Variants in C11orf65 observed in about 807,000 individuals in gnomAD.
C11orf65 encodes chromosome 11 open reading frame 65, also known as protein MFI.
C11orf65 carries 38 observed loss-of-function variants against 35.3 expected under a neutral mutation model. That is an observed-to-expected ratio of 1.08 (90% confidence interval 0.83 to 1.41). The LOEUF (loss-of-function observed/expected upper bound fraction) is 1.41. C11orf65 is among the 40% of genes most tolerant of loss of function. The pLI is 0.00. For missense variants in C11orf65, 370 were observed against 367.1 expected, an observed-to-expected ratio of 1.01 and a Z score of -0.06; for synonymous variants, 105 against 114.4, an observed-to-expected ratio of 0.92 and a Z score of 0.53.
intron 2 of C11orf65, chr11:108,355,051 T>G (rs1456704459): frequency 4.9e-6 from 3 of 615,438 alleles, no homozygotes; most frequent in Non-Finnish European, 8.7e-6. Context: ...AAATACTGGT[T>G]TAGAAATGCC....
At chr11:108,459,101 G>A (rs565146282) in intron 2 of C11orf65, among the ~76,000 whole-genome samples, 8 of 152,242 alleles carry the variant, frequency 5.3e-5, no homozygotes, top group Admixed American at 6.5e-5. Flanking sequence ...AATGGGTATC[G>A]TCAAGTAGCC....
chr11:108,356,070 G>A (rs766049087), intron 2 of C11orf65: 3 of 152,096 alleles, frequency 2.0e-5, no homozygotes, highest in Admixed American at 6.6e-5. Flanking sequence ...TTCAAATTCT[G>A]TTCATACATG....
At chr11:108,466,621 C>A (rs1191399098) in intron 1 of C11orf65, among the ~76,000 whole-genome samples, 2 of 152,166 alleles carry the variant, frequency 1.3e-5, no homozygotes. Flanking sequence ...TACTATCAAA[C>A]AACTGCTCAG....
At chr11:108,441,663 C>A (rs1030534890) in intron 2 of C11orf65, among the ~76,000 whole-genome samples, 4 of 152,184 alleles carry the variant, frequency 2.6e-5, no homozygotes, top group Admixed American at 6.5e-5. Context: ...TGCCATTCTG[C>A]AATATTTGCT....
chr11:108,428,689 C>T lies in C11orf65; in HGVS notation c.174+3057G>A, dbSNP rs543223591. On this transcript the variant is annotated intron_variant, in intron 3 of 8. Transcript: ENST00000393084. Reference sequence around the variant, plus strand: ...CGTTGGGGGGCTAGAGGAGGGATAGCGTTAGGAGAAATACCTAATGTAGAT... The same window carrying T: ...CGTTGGGGGGCTAGAGGAGGGATAGTGTTAGGAGAAATACCTAATGTAGAT... Among the ~76,000 whole-genome samples, 318 of 152,156 alleles carry T rather than the reference C, an allele frequency of 2.1e-3. 1 individual carries two copies. Among genetic ancestry groups the T allele is most frequent in the African/African-American group, 7.1e-3 (295 of 41,498 alleles).
intron 2 of C11orf65, among the ~76,000 whole-genome samples, chr11:108,353,205 A>G (rs2089422595): frequency 6.6e-6 from 1 of 151,878 alleles, no homozygotes; most frequent in South Asian, 2.1e-4. Context: ...CTGGAGTGCA[A>G]TGGCACGATC....
At position 108,325,366 on chromosome 11, in the gene C11orf65, A is replaced by G; in HGVS notation, c.641-16295T>C. On this transcript the variant is annotated intron_variant, in intron 6 of 6. Transcript: ENST00000525729. ...TATATTAAGTGGCAGAAACACTCCC[A>G]GCTTCTCAAGGACAGTGATTTTAGT... is the stretch of plus-strand genomic sequence containing the variant. 6.2e-7 allele frequency: 1 copy of G among 1,612,932 alleles called. No individual in the cohort carries two copies. The highest frequency in any genetic ancestry group is 1.1e-5 in the South Asian group (1 of 91,050).
chr11:108,333,847 C>T (rs1382965508), intron 3 of C11orf65: 1 of 1,487,894 alleles, frequency 6.7e-7, no homozygotes, highest in East Asian at 2.3e-5. Flanking sequence ...AATGCTGTTC[C>T]TCAGTTTGTC....
intron 3 of C11orf65, among the ~76,000 whole-genome samples, chr11:108,421,879 G>C (rs928182237): frequency 1.3e-5 from 2 of 152,122 alleles, no homozygotes; most frequent in East Asian, 1.9e-4. Context: ...GCATTCCCCT[G>C]GTTGCTCTAA....
intron 6 of C11orf65, chr11:108,319,817 C>T: frequency 1.5e-6 from 1 of 654,070 alleles, no homozygotes; most frequent in Non-Finnish European, 2.7e-6. Flanking sequence ...GTATTTCTTA[C>T]CAAAAATTCT....
At chr11:108,395,734 T>A (rs1375124582) in intron 6 of C11orf65, among the ~76,000 whole-genome samples, 60 of 149,072 alleles carry the variant, frequency 4.0e-4, no homozygotes, top group Non-Finnish European at 1.6e-4. Context: ...CAGTCTCCTG[T>A]CTCAGCCTCC....
Position 108,403,409 on chromosome 11 carries a change from G to GTTTTTTTTT in C11orf65, c.560+2011_560+2019dup, listed in dbSNP as rs71047691. Among the ~76,000 whole-genome samples the GTTTTTTTTT allele has an allele frequency of 8.9e-5, 6 of 67,296 alleles. 1 individual carries two copies. Among genetic ancestry groups the GTTTTTTTTT allele is most frequent in the South Asian group, 5.4e-4 (1 of 1,854 alleles). 44.1% of individuals were successfully genotyped at this position (67,296 alleles called of 152,430 possible). ...ACTTTAAAATGTGATTGTTTGAGAGGTTTTTTTTTTGTTTTTTTTTTTTTT... is the reference window on the plus strand; with the variant it reads ...ACTTTAAAATGTGATTGTTTGAGAGGTTTTTTTTTTTTTTTTTTTGTTTTTTTTTTTTTT... On this transcript the variant is annotated intron_variant, in intron 6 of 8. Coordinates refer to ENST00000393084, the MANE Select transcript of C11orf65 (RefSeq NM_152587.5).
chr11:108,361,371 C>T (rs2090728090), intron 2 of C11orf65, among the ~76,000 whole-genome samples: 2 of 150,960 alleles, frequency 1.3e-5, no homozygotes, highest in African/African-American at 4.9e-5. Context: ...GGCCATACTG[C>T]CCAAGGTAAT....
intron 2 of C11orf65, among the ~76,000 whole-genome samples, chr11:108,363,225 T>G (rs1415742080): frequency 6.6e-6 from 1 of 152,174 alleles, no homozygotes; most frequent in Non-Finnish European, 1.5e-5. Context: ...TTTCCTCTCT[T>G]GGATTCATTT....
rs1401661392 is a variant in C11orf65 at position 108,393,375 on chromosome 11, G to C, written c.564C>G (p.Tyr188Ter). 1.2e-6 allele frequency: 2 copies of C among 1,612,828 alleles called. No individual in the cohort carries two copies. The highest frequency in any genetic ancestry group is 1.3e-5 in the African/African-American group (1 of 74,894). Residue 188 changes from tyrosine (Y) to a stop codon, truncating the protein, a stop_gained, in exon 7 of 9, where the codon TAC (tyrosine) becomes TAG (stop). Transcript: ENST00000393084. LOFTEE classifies it high-confidence loss of function. The stretch of plus-strand genomic sequence containing the variant: ...ACTTAGCCTCCAGACTTCCTGAGTA[G>C]TACCTAAATAGGCAAAAGGGAAAGA... ...LRKIEWMRQM[Y>*]YSGSLEAKST...
At chr11:108,404,126 T>A (rs1454715237) in intron 6 of C11orf65, among the ~76,000 whole-genome samples, 1 of 152,112 alleles carries the variant, frequency 6.6e-6, no homozygotes, top group Admixed American at 6.6e-5. Context: ...TCAATCACCA[T>A]CCATCTATAG....
At chr11:108,317,652 T>TAA (rs1399501257) in intron 6 of C11orf65, 1 of 117,468 alleles carries the variant, frequency 8.5e-6, no homozygotes, top group East Asian at 2.4e-4. Context: ...TATATATATA[T>TAA]ACACACACAC....
intron 2 of C11orf65, among the ~76,000 whole-genome samples, chr11:108,349,029 G>C (rs2088844139): frequency 6.6e-6 from 1 of 152,156 alleles, no homozygotes; most frequent in African/African-American, 2.4e-5. Flanking sequence ...AAGTCACTGG[G>C]CTGGAGGAGG....
intron 6 of C11orf65, among the ~76,000 whole-genome samples, chr11:108,316,849 C>T (rs1451739331): frequency 6.6e-6 from 1 of 151,714 alleles, no homozygotes; most frequent in Non-Finnish European, 1.5e-5. Flanking sequence ...TGGCGTGAAC[C>T]TGGGAGGCAG....
Sources: gnomAD v4.1 joint callset for allele counts (sites outside exome capture counted in the v4.1 genomes callset) on GRCh38, gnomAD v4.1.1 for gene constraint, MANE v1.5 for transcripts, NCBI Gene and HGNC (gene_info 2026-07-23, HGNC 2026-07-21) for gene names.